ARPP21: variants seen among roughly 807,000 people sequenced by gnomAD.
The protein encoded by ARPP21 is cAMP-regulated phosphoprotein 21.
In ARPP21, 69 loss-of-function variants were observed where a neutral mutation model predicts 113.2. The ratio of observed to expected loss-of-function variants is 0.61; its 90% CI spans 0.50 to 0.74. The LOEUF (loss-of-function observed/expected upper bound fraction) is 0.74. ARPP21 is among the 30% of genes least tolerant of loss of function. ARPP21 has a pLI of 0.00. For synonymous variants in ARPP21, 368 were observed against 375.5 expected (o/e 0.98, Z 0.23); for missense variants, 1,070 against 1,037.4 (o/e 1.03, Z -0.43).
intron 13 of ARPP21, among the ~76,000 whole-genome samples, chr3:35,720,131 G>T (rs1402920650): frequency 6.6e-6 from 1 of 152,162 alleles, no homozygotes; most frequent in Non-Finnish European, 1.5e-5. Flanking sequence ...CATCCGTGTG[G>T]TACTGAGAAC....
At chr3:35,675,828 T>A (rs1305634913) in intron 1 of ARPP21, among the ~76,000 whole-genome samples, 1 of 151,596 alleles carries the variant, frequency 6.6e-6, no homozygotes, top group African/African-American at 2.4e-5. Context: ...ATGATGATGA[T>A]GATGATGATA....
At chr3:35,752,877 T>G (rs948617944) in intron 19 of ARPP21, among the ~76,000 whole-genome samples, 3 of 152,112 alleles carry the variant, frequency 2.0e-5, no homozygotes, top group Non-Finnish European at 1.5e-5. Context: ...ATAGTCAACA[T>G]TTCTAATCTT....
At chr3:35,641,419 C>T (rs537987180) in intron 1 of ARPP21, 2 of 152,274 alleles carry the variant, frequency 1.3e-5, no homozygotes, top group South Asian at 2.1e-4. Flanking sequence ...AATCATTTTT[C>T]ATTTGTTAAA....
intron 2 of ARPP21, chr3:35,681,349 G>A (rs1165617790): frequency 6.2e-6 from 1 of 160,286 alleles, no homozygotes; most frequent in Non-Finnish European, 1.4e-5. Context: ...CACATCTTGA[G>A]TCAGAAGTCG....
At chr3:35,759,156 A>C (rs960664599) in intron 19 of ARPP21, among the ~76,000 whole-genome samples, 1 of 152,034 alleles carries the variant, frequency 6.6e-6, no homozygotes, top group African/African-American at 2.4e-5. Context: ...AAAATTGGCA[A>C]GACAAACGTA....
intron 19 of ARPP21, among the ~76,000 whole-genome samples, chr3:35,758,714 T>G (rs1488865168): frequency 6.6e-6 from 1 of 152,136 alleles, no homozygotes; most frequent in African/African-American, 2.4e-5. Context: ...CCATTGTCTA[T>G]AAGTCCCTCT....
intron 1 of ARPP21, among the ~76,000 whole-genome samples, chr3:35,651,528 T>C (rs1428768560): frequency 4.6e-5 from 7 of 151,878 alleles, no homozygotes; most frequent in African/African-American, 1.7e-4. Flanking sequence ...CCAACAGGAG[T>C]GAAATTTTTA....
At chr3:35,786,248 G>A (rs1019039592) in intron 19 of ARPP21, among the ~76,000 whole-genome samples, 1 of 152,244 alleles carries the variant, frequency 6.6e-6, no homozygotes, top group South Asian at 2.1e-4. Flanking sequence ...ACTTGGCCGG[G>A]CGTGGTGGTT....
At chr3:35,771,259 G>T (rs1325416148) in intron 19 of ARPP21, among the ~76,000 whole-genome samples, 1 of 152,050 alleles carries the variant, frequency 6.6e-6, no homozygotes, top group Non-Finnish European at 1.5e-5. Context: ...TTGCCTCAGA[G>T]TTACCTGCAG....
chr3:35,685,848 C>A (rs1255248578), intron 5 of ARPP21: 18 of 763,106 alleles, frequency 2.4e-5, no homozygotes, highest in Non-Finnish European at 2.6e-5. Context: ...TTGAGCATAT[C>A]AATAAAAATA....
At position 35,640,343 on chromosome 3, in the gene ARPP21, AAATC is replaced by A. The variant is rs1290088770; in HGVS notation, c.-265_-262del. 1.3e-5 allele frequency: 2 copies of A among 152,224 alleles called. No individual in the cohort carries two copies. The highest frequency in any genetic ancestry group is 4.8e-5 in the African/African-American group (2 of 41,444). The allele number at this position is 152,224 out of a possible 1,614,324, so 9.4% of individuals were successfully genotyped here. ...AATAATATTAATAAAATCCAAAACT[AAATC>A]AAACCAATCAAGGCACCAAGACGCA... On this transcript the variant is annotated 5_prime_UTR_variant, in exon 1 of 21. Coordinates refer to ENST00000684406, the MANE Select transcript of ARPP21 (RefSeq NM_001385562.1).
chr3:35,739,230 A>G (rs931269339), intron 17 of ARPP21, 87 bp from the exon 18 acceptor site: 66 of 1,470,864 alleles, frequency 4.5e-5, no homozygotes, highest in Non-Finnish European at 3.9e-5. Context: ...CACAACTCCA[A>G]GAATGTGTCC....
At chr3:35,668,338 G>T (rs192094409) in intron 1 of ARPP21, among the ~76,000 whole-genome samples, 92 of 152,264 alleles carry the variant, frequency 6.0e-4, no homozygotes, top group African/African-American at 2.1e-3. Context: ...TGGCATCTTG[G>T]TGAGCCTAGT....
intron 1 of ARPP21, among the ~76,000 whole-genome samples, chr3:35,666,672 C>T (rs577203920): frequency 5.3e-4 from 80 of 152,230 alleles, no homozygotes; most frequent in Non-Finnish European, 9.1e-4. Flanking sequence ...GCTTTATTAA[C>T]AATTTTTCCA....
At position 35,707,102 on chromosome 3, in the gene ARPP21, A is replaced by G; in HGVS notation, c.795+20A>G. ...AATCAGGTTGGTTCTCAAGTTTGAG[A>G]GTGGCTGACATTGTTGTTTTTGAAG... On this transcript the variant is annotated intron_variant, in intron 10 of 20. Transcript: ENST00000684406. 2 of 1,574,518 alleles carry G rather than the reference A, an allele frequency of 1.3e-6. No individual in the cohort carries two copies. Among genetic ancestry groups the G allele is most frequent in the Non-Finnish European group, 1.7e-6 (2 of 1,146,288 alleles).
intron 19 of ARPP21, among the ~76,000 whole-genome samples, chr3:35,764,813 A>C (rs146565322): frequency 6.6e-6 from 1 of 152,174 alleles, no homozygotes; most frequent in East Asian, 1.9e-4. Context: ...AAAAAATTAT[A>C]GTTCTGCCAT....
chr3:35,775,755 A>G (rs975130984), intron 19 of ARPP21, among the ~76,000 whole-genome samples: 3 of 152,278 alleles, frequency 2.0e-5, no homozygotes, highest in Admixed American at 6.5e-5. Flanking sequence ...AAATATAGAG[A>G]CAGAAAATAG....
At chr3:35,787,846 A>G (rs2096664359) in intron 19 of ARPP21, among the ~76,000 whole-genome samples, 1 of 152,202 alleles carries the variant, frequency 6.6e-6, no homozygotes. Flanking sequence ...TTAGCACAGA[A>G]AAGCAAGGAT....
intron 14 of ARPP21, among the ~76,000 whole-genome samples, chr3:35,727,876 T>C (rs1404643102): frequency 6.6e-6 from 1 of 152,132 alleles, no homozygotes; most frequent in Non-Finnish European, 1.5e-5. Context: ...CCAATGGATA[T>C]ATTGGGATAT....
Sources: gnomAD v4.1 joint callset for allele counts (sites outside exome capture counted in the v4.1 genomes callset) on GRCh38, gnomAD v4.1.1 for gene constraint, MANE v1.5 for transcripts, NCBI Gene and HGNC (gene_info 2026-07-23, HGNC 2026-07-21) for gene names.